TTL: variants seen among roughly 807,000 people sequenced by gnomAD.
TTL encodes the protein tubulin--tyrosine ligase.
Under a neutral mutation model 41.1 loss-of-function variants are expected in TTL, and 10 were observed. The observed-to-expected ratio is 0.24, with a 90% confidence interval of 0.15 to 0.41. The LOEUF (loss-of-function observed/expected upper bound fraction) is 0.41, where lower values mean the gene tolerates loss of function less well. Ranked by LOEUF, TTL falls within the 10% of genes least tolerant of loss-of-function variation. The probability of loss-of-function intolerance (pLI) is 1.00; values close to 1 mark genes in which losing one functional copy is unlikely to be tolerated. For missense variants in TTL, 367 were observed against 460.4 expected (o/e 0.80, Z 1.86); for synonymous variants, 175 against 175.5 (o/e 1.00, Z 0.02).
chr2:112,503,349 C>T (rs748283313), intron 5 of TTL, among the ~76,000 whole-genome samples, 168 bp downstream of exon 5: 2 of 149,796 alleles, frequency 1.3e-5, no homozygotes, highest in Non-Finnish European at 3.0e-5. Context: ...AATGATGTCT[C>T]CTCTTTCGTT....
At chr2:112,516,154 C>G (rs1404888337) in intron 5 of TTL, among the ~76,000 whole-genome samples, 1 of 152,160 alleles carries the variant, frequency 6.6e-6, no homozygotes, top group Non-Finnish European at 1.5e-5. Flanking sequence ...TGTTATTGCA[C>G]ATAACAGTAG....
Position 112,482,536 on chromosome 2 carries a change from G to C in TTL, c.157+35G>C. On this transcript the variant is annotated intron_variant, in intron 1 of 6. Coordinates refer to ENST00000233336, the MANE Select transcript of TTL (RefSeq NM_153712.5). The surrounding 1 kb of genome is among the most constrained non-coding windows in gnomAD (Gnocchi z 5.3). The stretch of plus-strand genomic sequence containing the variant: ...TCCCCGATTCCCGTCTGCCCTCCTC[G>C]GAGCGGCCCTGCGCGCCTCCCGCGG... 4 of 1,564,602 alleles carry C rather than the reference G, an allele frequency of 2.6e-6. No individual in the cohort carries two copies. The highest frequency in any genetic ancestry group is 3.5e-6 in the Non-Finnish European group (4 of 1,152,922).
At chr2:112,490,964 G>A (rs2104449511) in intron 2 of TTL, among the ~76,000 whole-genome samples, 1 of 152,096 alleles carries the variant, frequency 6.6e-6, no homozygotes, top group South Asian at 2.1e-4. Flanking sequence ...TGTGACAGAT[G>A]TAAGAGATTT....
Position 112,516,196 on chromosome 2 carries a change from T to C in TTL, c.876-4086T>C, listed in dbSNP as rs953384974. Among the ~76,000 whole-genome samples, 11 of 152,346 alleles carry C rather than the reference T, an allele frequency of 7.2e-5. No homozygotes were observed. The East Asian group carries it at 2.1e-3, about 29-fold the overall frequency. ...CTTTTTATTACTGTGTAATATTCCA[T>C]TGTATAAGTATTTCAGTTTATTCCT... is the stretch of plus-strand genomic sequence containing the variant. On this transcript the variant is annotated intron_variant, in intron 5 of 6. Transcript: ENST00000233336.
rs780894420 is a variant in TTL, at chr2:112,501,172, T to C, written c.470-34T>C. The C allele has an allele frequency of 1.9e-6, 3 of 1,584,260 alleles. No individual in the cohort carries two copies. In the Admixed American group the frequency reaches 5.8e-5, roughly 30 times the overall value. On this transcript the variant is annotated intron_variant, in intron 3 of 6. Transcript: ENST00000233336. ...TTTATAGAGAGCTCTTGGTTTGAAT[T>C]GGATTGGTTTGTCTTTTGCTTTTTC...
At chr2:112,501,569 A>G (rs933833365) in intron 4 of TTL, among the ~76,000 whole-genome samples, 2 of 151,712 alleles carry the variant, frequency 1.3e-5, no homozygotes, top group Admixed American at 1.3e-4. Flanking sequence ...TTTCTTTTTT[A>G]AAAAATATTC....
intron 6 of TTL, among the ~76,000 whole-genome samples, chr2:112,523,704 T>G (rs1337340529): frequency 5.9e-5 from 9 of 152,188 alleles, no homozygotes; most frequent in Non-Finnish European, 1.3e-4. Context: ...CCATAAGTAT[T>G]TGCTGAGGGA....
chr2:112,496,559 C>T (rs1363237667), intron 3 of TTL, among the ~76,000 whole-genome samples: 1 of 152,026 alleles, frequency 6.6e-6, no homozygotes, highest in African/African-American at 2.4e-5. Flanking sequence ...TGTTTAGAAA[C>T]AACCCCATTA....
intron 3 of TTL, among the ~76,000 whole-genome samples, chr2:112,495,923 G>A (rs544761993): frequency 3.7e-4 from 56 of 152,274 alleles, no homozygotes; most frequent in African/African-American, 1.3e-3. Context: ...ACTCATTTCT[G>A]TTCCGGGTCG....
chr2:112,517,979 T>C (rs1574069148), intron 5 of TTL, among the ~76,000 whole-genome samples: 1 of 150,784 alleles, frequency 6.6e-6, no homozygotes, highest in South Asian at 2.1e-4. Flanking sequence ...AGGGTCTCGC[T>C]CTGTTTCCCA....
intron 2 of TTL, among the ~76,000 whole-genome samples, chr2:112,492,592 G>T (rs1361357418): frequency 1.3e-5 from 2 of 152,152 alleles, no homozygotes; most frequent in Non-Finnish European, 2.9e-5. Context: ...TTAGCTGGGC[G>T]TGGTGGTGGG....
rs1236265740 is a variant in TTL, at chr2:112,501,303, T to C, written c.567T>C (p.Pro189=). 1 of 1,612,834 alleles carries C rather than the reference T, an allele frequency of 6.2e-7. No individual in the cohort carries two copies. The highest frequency in any genetic ancestry group is 1.1e-5 in the South Asian group (1 of 90,978). Residue 189 remains proline, a synonymous_variant, in exon 4 of 7, where the codon CCT becomes CCC. Coordinates refer to ENST00000233336, the MANE Select transcript of TTL (RefSeq NM_153712.5). ...VHVIQKYLEH[P]LLLEPGHRKF... Reference sequence around the variant, plus strand: ...TGATCCAGAAATATCTTGAGCACCCTCTGCTGCTTGAGCCAGGTCATCGCA... The same window carrying C: ...TGATCCAGAAATATCTTGAGCACCCCCTGCTGCTTGAGCCAGGTCATCGCA...
intron 1 of TTL, among the ~76,000 whole-genome samples, chr2:112,485,201 C>T (rs529016926): frequency 6.6e-6 from 1 of 152,346 alleles, no homozygotes; most frequent in South Asian, 2.1e-4. Flanking sequence ...TTACCCACCT[C>T]AGCCTCCCAG....
chr2:112,491,744 T>A (rs905266646), intron 2 of TTL, among the ~76,000 whole-genome samples: 1 of 152,204 alleles, frequency 6.6e-6, no homozygotes, highest in African/African-American at 2.4e-5. Flanking sequence ...AAAATACTTA[T>A]CAAGTTTATT....
At chr2:112,493,423 C>T (rs7569407) in intron 2 of TTL, among the ~76,000 whole-genome samples, 65,270 of 151,776 alleles carry the variant, frequency 0.43, 14,392 homozygotes, top group East Asian at 0.58. Flanking sequence ...TTTATGATCT[C>T]AGGAAGTTTA....
chr2:112,525,219 T>C (rs1654345271), intron 6 of TTL, among the ~76,000 whole-genome samples: 2 of 152,212 alleles, frequency 1.3e-5, no homozygotes, highest in Admixed American at 6.5e-5. Flanking sequence ...TGAAGTCAGG[T>C]AGGGTGATGC....
intron 2 of TTL, 38 bp from the exon 3 acceptor site, chr2:112,494,105 C>T (rs372704360): frequency 1.3e-6 from 2 of 1,563,412 alleles, no homozygotes; most frequent in Non-Finnish European, 1.8e-6. Context: ...ACAAAGTGCA[C>T]TAAGAAGGGA....
chr2:112,530,525 G>A lies in TTL; in HGVS notation c.*1730G>A. The A allele has an allele frequency of 4.4e-6, 1 of 229,178 alleles. No individual in the cohort carries two copies. Among genetic ancestry groups the A allele is most frequent in the Non-Finnish European group, 8.7e-6 (1 of 115,504 alleles). 14.2% of individuals were successfully genotyped at this position (229,178 alleles called of 1,614,324 possible). ...TTGGTGTTTGGGAAATTCTGAGATG[G>A]GAGTGAGATCTGATCGGATCCTGGG... is the stretch of plus-strand genomic sequence containing the variant. On this transcript the variant is annotated 3_prime_UTR_variant, in exon 7 of 7. Coordinates refer to ENST00000233336, the MANE Select transcript of TTL (RefSeq NM_153712.5).
At chr2:112,527,219 C>A (rs7564182) in intron 6 of TTL, among the ~76,000 whole-genome samples, 137,358 of 151,020 alleles carry the variant, frequency 0.91, 63,672 homozygotes, top group East Asian at 1. Flanking sequence ...TATGTGGTCG[C>A]TTTACTTCCA....
Sources: gnomAD v4.1 joint callset for allele counts (sites outside exome capture counted in the v4.1 genomes callset) on GRCh38, gnomAD v4.1.1 for gene constraint, Gnocchi (gnomAD v3.1) non-coding constraint, MANE v1.5 for transcripts, NCBI Gene and HGNC (gene_info 2026-07-23, HGNC 2026-07-21) for gene names.